Variants in ADGRE1 observed in about 807,000 individuals in gnomAD.
The protein encoded by ADGRE1 is EGF-like module receptor 1.
ADGRE1 carries 82 observed loss-of-function variants against 102.7 expected under a neutral mutation model. The observed-to-expected ratio is 0.80, with a 90% CI of 0.67 to 0.96. The LOEUF is 0.96. ADGRE1 is among the 40% of genes least tolerant of loss of function. ADGRE1 has a pLI of 0.00. For missense variants in ADGRE1, 1,032 were observed against 1,085.3 expected, an observed-to-expected ratio of 0.95 and a Z score of 0.69; for synonymous variants, 398 against 399.6, an observed-to-expected ratio of 1.00 and a Z score of 0.05.
chr19:6,935,672 T>G (rs1975372484), intron 18 of ADGRE1, among the ~76,000 whole-genome samples: 1 of 152,210 alleles, frequency 6.6e-6, no homozygotes, highest in Admixed American at 6.5e-5. Context: ...TTGAGCACCC[T>G]TGTAGGTAAA....
intron 5 of ADGRE1, among the ~76,000 whole-genome samples, chr19:6,900,311 CAA>C (rs11334158): frequency 0.19 from 21,347 of 114,606 alleles, 2,145 homozygotes; most frequent in East Asian, 0.52. Context: ...CCTGTCTCTA[CAA>C]AAAAAAAAAA....
At chr19:6,898,668 T>C in intron 5 of ADGRE1, 1 of 1,200,934 alleles carries the variant, frequency 8.3e-7, no homozygotes, top group Non-Finnish European at 1.2e-6. Flanking sequence ...ATTGCAGCTG[T>C]CAAGTTGGAT....
At chr19:6,910,512 G>A (rs150752272) in intron 10 of ADGRE1, among the ~76,000 whole-genome samples, 9 of 149,496 alleles carry the variant, frequency 6.0e-5, no homozygotes, top group Admixed American at 2.0e-4. Flanking sequence ...ATTGCTTTTT[G>A]CAATAAAATT....
rs145737553 is a variant in ADGRE1, at chr19:6,937,047, C to T, written c.2382-196C>T. 8.7e-3 allele frequency among the ~76,000 whole-genome samples: 1,327 copies of T among 152,224 alleles called. 18 individuals are homozygous for T. The highest frequency in any genetic ancestry group is 0.058 in the Middle Eastern group (17 of 294). On this transcript the variant is annotated intron_variant, in intron 18 of 20. Transcript: ENST00000312053. Reference sequence around the variant, plus strand: ...TGCTGGGATTACAGGCTTGAGCCACCGCACCCAGCCTGATTGCATTTAAAT... The same window carrying T: ...TGCTGGGATTACAGGCTTGAGCCACTGCACCCAGCCTGATTGCATTTAAAT...
intron 6 of ADGRE1, among the ~76,000 whole-genome samples, chr19:6,902,399 G>C (rs542065748): frequency 6.6e-6 from 1 of 150,608 alleles, no homozygotes; most frequent in East Asian, 1.9e-4. Context: ...GCCTCTTTTT[G>C]TTTGTTTGTT....
chr19:6,908,866 G>T (rs114809203), intron 10 of ADGRE1, 94 bp downstream of exon 10: 2 of 1,175,822 alleles, frequency 1.7e-6, no homozygotes, highest in African/African-American at 3.1e-5. Context: ...GGGCGTGGTG[G>T]CTCACACCCA....
At chr19:6,924,581 T>A (rs952086183) in intron 14 of ADGRE1, 97 bp from the exon 15 acceptor site, 2 of 1,062,644 alleles carry the variant, frequency 1.9e-6, no homozygotes, top group Non-Finnish European at 2.8e-6. Flanking sequence ...TCCCCCAAGC[T>A]AATTTTGCCC....
intron 10 of ADGRE1, among the ~76,000 whole-genome samples, chr19:6,912,835 G>T (rs561943954): frequency 6.6e-6 from 1 of 152,220 alleles, no homozygotes; most frequent in South Asian, 2.1e-4. Context: ...ATTAATTCCA[G>T]GAAGGGGAAT....
At chr19:6,916,701 T>C (rs1424421696) in intron 12 of ADGRE1, among the ~76,000 whole-genome samples, 1 of 151,812 alleles carries the variant, frequency 6.6e-6, no homozygotes, top group Admixed American at 6.6e-5. Context: ...AAAAGAAGGA[T>C]TAAAACGTCT....
chr19:6,920,374 C>G (rs1340053401), intron 13 of ADGRE1, among the ~76,000 whole-genome samples: 21 of 151,864 alleles, frequency 1.4e-4, no homozygotes, highest in Admixed American at 1.4e-3. Context: ...CGCCCGCCAC[C>G]ATGACCGGCT....
At chr19:6,894,625 C>A (rs1973485543) in intron 2 of ADGRE1, among the ~76,000 whole-genome samples, 1 of 152,136 alleles carries the variant, frequency 6.6e-6, no homozygotes, top group African/African-American at 2.4e-5. Context: ...GGGGGCTTTG[C>A]AGTTCATGTT....
intron 8 of ADGRE1, 36 bp downstream of exon 8, chr19:6,904,218 T>C (rs759404561): frequency 1.2e-6 from 2 of 1,603,476 alleles, no homozygotes; most frequent in East Asian, 2.2e-5. Context: ...CAATGGAATC[T>C]GTTTCTGGCT....
rs914112669 is a variant in ADGRE1, at chr19:6,937,407, G to T, written c.2546G>T (p.Gly849Val). The T allele has an allele frequency of 6.2e-6, 10 of 1,613,006 alleles. No individual in the cohort carries two copies. In the Admixed American group the frequency reaches 6.7e-5, roughly 11 times the overall value. Residue 849 changes from glycine (G) to valine (V), a missense_variant, in exon 19 of 21, where the codon GGC becomes GTC. Transcript: ENST00000312053. ...FIFLIHCLLN[G>V]QVREEYKRWI... Reference sequence around the variant, plus strand: ...TTCCTCATCCACTGTCTGCTCAACGGCCAGGTGTGTAGCTGCTGCCCTCCC... The same window carrying T: ...TTCCTCATCCACTGTCTGCTCAACGTCCAGGTGTGTAGCTGCTGCCCTCCC...
chr19:6,894,969 T>C (rs998184377), intron 2 of ADGRE1: 2 of 152,250 alleles, frequency 1.3e-5, no homozygotes, highest in Non-Finnish European at 2.9e-5. Context: ...AGAGTGTTGA[T>C]TGTTTCCATA....
rs769320979 is a variant in ADGRE1 at position 6,896,473 on chromosome 19, C to T, written c.170C>T (p.Ala57Val). 46 of 1,614,030 alleles carry T rather than the reference C, an allele frequency of 2.9e-5. No homozygotes were observed. In the African/African-American group the frequency reaches 4.9e-4, roughly 17 times the overall value. Residue 57 changes from alanine to valine, a missense_variant, in exon 3 of 21, where the codon GCT becomes GTT. Ala to Val is a moderately conservative substitution (Grantham distance 64). Transcript: ENST00000312053. ...AATACAGTGGACAGTTACTATTGCG[C>T]TTGCAAACAAGGCTTCCTGTCCAGC... ...CTNTVDSYYC[A>V]CKQGFLSSNG...
intron 1 of ADGRE1, 58 bp from the exon 2 acceptor site, chr19:6,890,421 GTT>G (rs57355800): frequency 0.05 from 22,194 of 443,266 alleles, 3 homozygotes; most frequent in Non-Finnish European, 0.054. Context: ...AGCCCAAAAG[GTT>G]TTTTTTTTTT....
intron 1 of ADGRE1, among the ~76,000 whole-genome samples, chr19:6,888,548 G>C (rs970424603): frequency 6.6e-6 from 1 of 152,206 alleles, no homozygotes; most frequent in African/African-American, 2.4e-5. Flanking sequence ...TGCTGTTGAA[G>C]AGTGGATCTG....
rs34941944 is a variant in ADGRE1, at chr19:6,921,702, GT to G, written c.1621-3del. The G allele has an allele frequency of 6.4e-5, 100 of 1,566,092 alleles. No homozygotes were observed. Among genetic ancestry groups the G allele is most frequent in the Admixed American group, 8.2e-5 (4 of 48,982 alleles). On this transcript the variant is annotated splice_polypyrimidine_tract_variant and intron_variant, in intron 13 of 20. Coordinates refer to ENST00000312053, the MANE Select transcript of ADGRE1 (RefSeq NM_001974.5). Reference sequence around the variant, plus strand: ...AAGACCTTTGTTTTTTTGTTTTTTTGTTTTTTTTAGCCAAAGCAGAAGTTTG... The same window carrying G: ...AAGACCTTTGTTTTTTTGTTTTTTTGTTTTTTTAGCCAAAGCAGAAGTTTG...
chr19:6,899,679 C>CAA (rs879810404), intron 5 of ADGRE1, among the ~76,000 whole-genome samples: 17 of 137,982 alleles, frequency 1.2e-4, no homozygotes, highest in African/African-American at 8.0e-5. Flanking sequence ...GACTCTGTTT[C>CAA]AAAAAAAAAA....
Sources: gnomAD v4.1 joint callset for allele counts (sites outside exome capture counted in the v4.1 genomes callset) on GRCh38, gnomAD v4.1.1 for gene constraint, MANE v1.5 for transcripts, NCBI Gene and HGNC (gene_info 2026-07-23, HGNC 2026-07-21) for gene names.